Variants in SRD5A3 observed in about 807,000 individuals in gnomAD.
SRD5A3 encodes steroid 5 alpha-reductase 3.
In SRD5A3, 24 loss-of-function variants were observed where a neutral mutation model predicts 34.3. That is an observed-to-expected ratio of 0.70 (90% CI 0.51 to 0.99). SRD5A3 has a LOEUF of 0.99. SRD5A3 is among the 50% of genes least tolerant of loss of function. The pLI is 0.00. For missense variants in SRD5A3, 350 were observed against 388.2 expected (o/e 0.90, Z 0.83); for synonymous variants, 161 against 167.3 (o/e 0.96, Z 0.29).
In SRD5A3 at chr4:55,372,997, G is replaced by A. The variant is rs1029507028; in HGVS notation, c.*2906G>A. On this transcript the variant is annotated 3_prime_UTR_variant, in exon 5 of 5. Coordinates refer to ENST00000264228, the MANE Select transcript of SRD5A3 (RefSeq NM_024592.5). ...TAGCTTAATAGATATTTAGTTTAAG[G>A]AGACTGCAACATTTGCATAAGGTGC... The A allele has an allele frequency of 7.9e-5, 12 of 151,214 alleles. No homozygotes were observed. Among genetic ancestry groups the A allele is most frequent in the African/African-American group, 2.9e-4 (12 of 41,234 alleles). The allele number at this position is 151,214 out of a possible 1,614,324, so 9.4% of individuals were successfully genotyped here. A position where few individuals can be genotyped will look rare whatever the true frequency, so the allele number is the denominator to read the frequency against.
intron 3 of SRD5A3, 187 bp downstream of exon 3, chr4:55,364,458 C>T: frequency 1.5e-6 from 1 of 658,344 alleles, no homozygotes; most frequent in Non-Finnish European, 2.7e-6. Context: ...CACCTGTAAT[C>T]CCACCACTTT....
At chr4:55,369,798 TA>T in intron 4 of SRD5A3, 33 bp from the exon 5 acceptor site, 1 of 1,613,772 alleles carries the variant, frequency 6.2e-7, no homozygotes, top group Non-Finnish European at 8.5e-7. Context: ...TTCAAACCTT[TA>T]AATGCTTATG....
intron 1 of SRD5A3, among the ~76,000 whole-genome samples, chr4:55,350,678 A>AAC (rs1352363658): frequency 2.6e-5 from 4 of 152,230 alleles, no homozygotes; most frequent in African/African-American, 9.6e-5. Context: ...AAGTATATGC[A>AAC]ACACACTGTA....
intron 1 of SRD5A3, among the ~76,000 whole-genome samples, chr4:55,348,900 T>C (rs528067670): frequency 1.3e-5 from 2 of 152,336 alleles, no homozygotes; most frequent in East Asian, 3.9e-4. Context: ...GTGTGAAAGA[T>C]TAAGTGAGAA....
intron 1 of SRD5A3, among the ~76,000 whole-genome samples, chr4:55,349,984 TTGA>T (rs531719097): frequency 5.4e-4 from 83 of 152,304 alleles, no homozygotes; most frequent in African/African-American, 1.9e-3. Context: ...ATTAAGAATA[TTGA>T]TGATACCTCA....
chr4:55,367,524 ATTTG>A (rs905077243), intron 3 of SRD5A3, 60 bp from the exon 4 acceptor site: 24 of 1,582,534 alleles, frequency 1.5e-5, no homozygotes, highest in Non-Finnish European at 2.0e-5. Context: ...TGACTAAATG[ATTTG>A]TTTAATTCCC....
intron 1 of SRD5A3, chr4:55,359,119 G>A (rs1048247546): frequency 1.9e-6 from 1 of 534,942 alleles, no homozygotes; most frequent in Admixed American, 3.1e-5. Flanking sequence ...TTGTGTTCTT[G>A]TTAACCTCAG....
At chr4:55,357,682 C>T (rs1719521720) in intron 1 of SRD5A3, among the ~76,000 whole-genome samples, 1 of 152,206 alleles carries the variant, frequency 6.6e-6, no homozygotes, top group Admixed American at 6.5e-5. Flanking sequence ...CCAGAGATGG[C>T]AAATCCAGTG....
At chr4:55,364,836 G>A (rs755073629) in intron 3 of SRD5A3, 1 of 162,446 alleles carries the variant, frequency 6.2e-6, no homozygotes, top group South Asian at 1.7e-4. Flanking sequence ...TCACAATAGA[G>A]CTTTTCTTCA....
chr4:55,360,412 A>G (rs958171061), intron 2 of SRD5A3, among the ~76,000 whole-genome samples: 1 of 151,850 alleles, frequency 6.6e-6, no homozygotes, highest in Admixed American at 6.6e-5. Flanking sequence ...AGGCTGAGGC[A>G]GGAGAATCGC....
chr4:55,364,645 G>A (rs1027966190), intron 3 of SRD5A3: 1 of 287,080 alleles, frequency 3.5e-6, no homozygotes. Flanking sequence ...GAAACCAGAA[G>A]GTGGAGGTTG....
intron 3 of SRD5A3, 153 bp downstream of exon 3, chr4:55,364,424 T>G (rs955242922): frequency 3.3e-5 from 30 of 910,168 alleles, no homozygotes; most frequent in Non-Finnish European, 8.6e-6. Flanking sequence ...AAGTCGATTT[T>G]AAAAGGCCGG....
chr4:55,351,427 A>C (rs1719187868), intron 1 of SRD5A3, among the ~76,000 whole-genome samples: 1 of 152,112 alleles, frequency 6.6e-6, no homozygotes, highest in Non-Finnish European at 1.5e-5. Context: ...TCAAAAAGTG[A>C]GCAGGGCAAG....
intron 1 of SRD5A3, among the ~76,000 whole-genome samples, chr4:55,356,819 T>G (rs1719482293): frequency 6.6e-6 from 1 of 151,958 alleles, no homozygotes; most frequent in Admixed American, 6.6e-5. Context: ...CCTAGAGGGA[T>G]TTTTAAAACA....
intron 3 of SRD5A3, among the ~76,000 whole-genome samples, chr4:55,366,219 T>G (rs1719892298): frequency 6.6e-6 from 1 of 152,256 alleles, no homozygotes; most frequent in Non-Finnish European, 1.5e-5. Context: ...TCCTTTTTCC[T>G]GTAGGTAAAC....
chr4:55,352,225 G>A (rs1335906353), intron 1 of SRD5A3: 6 of 951,688 alleles, frequency 6.3e-6, no homozygotes, highest in Non-Finnish European at 1.0e-5. Context: ...GGGCCCAGCT[G>A]TGTATTATAT....
chr4:55,363,501 T>G (rs1433894198), intron 2 of SRD5A3, among the ~76,000 whole-genome samples: 1 of 151,168 alleles, frequency 6.6e-6, no homozygotes, highest in African/African-American at 2.4e-5. Context: ...AAAGAGAAAC[T>G]AAGTGTGTGT....
chr4:55,355,999 C>CTTTTTTTTTTT (rs1578204604), intron 1 of SRD5A3, among the ~76,000 whole-genome samples: 7 of 65,924 alleles, frequency 1.1e-4, no homozygotes, highest in Admixed American at 3.6e-4. Flanking sequence ...CTTTTGCCTC[C>CTTTTTTTTTTT]ATTTTTTTTT....
chr4:55,363,242 G>A (rs929618192), intron 2 of SRD5A3, among the ~76,000 whole-genome samples: 2 of 152,000 alleles, frequency 1.3e-5, no homozygotes, highest in East Asian at 1.9e-4. Context: ...CTTGAGGCCC[G>A]GAGTTCGAGA....
Sources: allele counts gnomAD v4.1 joint callset (sites outside exome capture counted in the v4.1 genomes callset), GRCh38; gene constraint gnomAD v4.1.1; transcripts MANE v1.5; gene names NCBI Gene and HGNC (gene_info 2026-07-23, HGNC 2026-07-21).